SNRPE: variants seen among roughly 807,000 people sequenced by gnomAD.
SNRPE encodes the protein small nuclear ribonucleoprotein polypeptide E, also known as small nuclear ribonucleoprotein E.
For missense variants in SNRPE, 53 were observed against 111.6 expected (o/e 0.48, Z 2.36); for synonymous variants, 35 against 36.7 (o/e 0.95, Z 0.17).
chr1:203,861,626 C>T lies in SNRPE; in HGVS notation c.-34C>T, dbSNP rs760500469. 26 of 1,578,952 alleles carry T rather than the reference C, an allele frequency of 1.6e-5. No homozygotes were observed. The highest frequency in any genetic ancestry group is 6.7e-5 in the East Asian group (3 of 44,734). On this transcript the variant is annotated 5_prime_UTR_variant, in exon 1 of 5. Coordinates refer to ENST00000414487, the MANE Select transcript of SNRPE (RefSeq NM_003094.4). ...TTATTCCGGAAGTTGCTCTCAGAGG[C>T]AGCGTGCGGGTGTGCTCTTTGTGAA...
chr1:203,869,851 A>T (rs1188659716), intron 4 of SNRPE, 26 bp from the exon 5 acceptor site: 5 of 1,572,970 alleles, frequency 3.2e-6, no homozygotes, highest in Non-Finnish European at 4.3e-6. Context: ...GGCTATTAAT[A>T]GCTTTTTGTT....
At chr1:203,866,094 T>A (rs1406119793) in intron 4 of SNRPE, among the ~76,000 whole-genome samples, 2 of 152,150 alleles carry the variant, frequency 1.3e-5, no homozygotes, top group African/African-American at 4.8e-5. Context: ...AGGGTGGGGC[T>A]GAAAGTCCGA....
At position 203,861,659 on chromosome 1, in the gene SNRPE, C is replaced by G; in HGVS notation, c.-1C>G. On this transcript the variant is annotated 5_prime_UTR_variant, in exon 1 of 5. Transcript: ENST00000414487. ...GGGTGTGCTCTTTGTGAAATTCCAC[C>G]ATGGCGTACCGTGGCCAGGGTCAGA... 2 of 1,612,326 alleles carry G rather than the reference C, an allele frequency of 1.2e-6. No homozygotes were observed. Among genetic ancestry groups the G allele is most frequent in the South Asian group, 1.1e-5 (1 of 91,034 alleles).
intron 2 of SNRPE, among the ~76,000 whole-genome samples, 189 bp from the exon 3 acceptor site, chr1:203,863,474 C>G (rs576646394): frequency 6.6e-6 from 1 of 152,120 alleles, no homozygotes; most frequent in Non-Finnish European, 1.5e-5. Context: ...TGCGCCACCA[C>G]GCCCAGCTAA....
intron 4 of SNRPE, among the ~76,000 whole-genome samples, chr1:203,868,810 C>CA (rs1690148304): frequency 1.6e-5 from 1 of 63,252 alleles, no homozygotes; most frequent in Admixed American, 1.7e-4. Flanking sequence ...ACTGGGATTA[C>CA]AGGGCATGCC....
At chr1:203,862,827 G>C (rs1445934116) in intron 2 of SNRPE, among the ~76,000 whole-genome samples, 1 of 152,142 alleles carries the variant, frequency 6.6e-6, no homozygotes, top group East Asian at 1.9e-4. Flanking sequence ...CTAGTTGTTA[G>C]GTGTGTGACA....
chr1:203,864,898 A>AAAC lies in SNRPE; in HGVS notation c.145-141_145-140insCAA, dbSNP rs1341337299. On this transcript the variant is annotated intron_variant, in intron 3 of 4. Transcript: ENST00000414487. ...TCTCAAAAAAAAAAAAAAAAAAAAA[A>AAAC]AAACTTTGGGTGGAAGGTGGGGTGG... The AAAC allele has an allele frequency of 1.3e-3, 605 of 448,578 alleles. 2 individuals are homozygous for AAAC. The highest frequency in any genetic ancestry group is 1.7e-3 in the Admixed American group (31 of 18,428). 27.8% of individuals were successfully genotyped at this position (448,578 alleles called of 1,614,324 possible). A position where few individuals can be genotyped will look rare whatever the true frequency, so the allele number is the denominator to read the frequency against.
intron 3 of SNRPE, among the ~76,000 whole-genome samples, 165 bp from the exon 4 acceptor site, chr1:203,864,876 C>CAAAAAAAAAAAAAAAAAAAAAAAAAA (rs61506397): frequency 8.4e-6 from 1 of 119,290 alleles, no homozygotes; most frequent in Non-Finnish European, 1.7e-5. Flanking sequence ...GATCCTTTCT[C>CAAAAAAAAAAAAAAAAAAAAAAAAAA]AAAAAAAAAA....
intron 4 of SNRPE, among the ~76,000 whole-genome samples, chr1:203,867,010 C>T (rs1031060235): frequency 6.6e-6 from 1 of 150,722 alleles, no homozygotes; most frequent in Non-Finnish European, 1.5e-5. Context: ...GTGGCTCACA[C>T]CTGTAATCCC....
rs925520234 is a variant in SNRPE, at chr1:203,863,608, C to G, written c.82-55C>G. ...TGCTGGGATTACAGGCGTGAGCCAC[C>G]GCGCCCGGCCCTATTTTTCTTTTTT... On this transcript the variant is annotated intron_variant, in intron 2 of 4. Coordinates refer to ENST00000414487, the MANE Select transcript of SNRPE (RefSeq NM_003094.4). 36 of 1,324,466 alleles carry G rather than the reference C, an allele frequency of 2.7e-5. No individual in the cohort carries two copies. The Admixed American group carries it at 5.9e-4, about 22-fold the overall frequency. The allele number at this position is 1,324,466 out of a possible 1,614,324, so 82.0% of individuals were successfully genotyped here.
chr1:203,865,197 C>G, intron 4 of SNRPE, 78 bp downstream of exon 4: 2 of 1,293,056 alleles, frequency 1.5e-6, no homozygotes, highest in Non-Finnish European at 2.2e-6. Context: ...CAACTCAGTT[C>G]ATGTTTGAAT....
chr1:203,865,216 C>G, intron 4 of SNRPE, 97 bp downstream of exon 4: 1 of 1,150,152 alleles, frequency 8.7e-7, no homozygotes, highest in Non-Finnish European at 1.3e-6. Flanking sequence ...ATTTATTTTG[C>G]ATTTGAGAAG....
chr1:203,861,860 T>C (rs1689984229), intron 1 of SNRPE, 147 bp downstream of exon 1: 2 of 709,284 alleles, frequency 2.8e-6, no homozygotes, highest in African/African-American at 3.5e-5. Context: ...AAAGCGCGGG[T>C]AGTTGAACCG....
In SNRPE at chr1:203,871,052, G is replaced by A. The variant is rs574262517; in HGVS notation, c.*1120G>A. On this transcript the variant is annotated 3_prime_UTR_variant, in exon 5 of 5. Coordinates refer to ENST00000414487, the MANE Select transcript of SNRPE (RefSeq NM_003094.4). ...GAGATTTGTAGGTGAATGCAGAAGT[G>A]TATCCAGCTTTGAACCATGCATTCC... Among the ~76,000 whole-genome samples the A allele has an allele frequency of 5.6e-4, 85 of 152,340 alleles. No individual in the cohort carries two copies. Among genetic ancestry groups the A allele is most frequent in the South Asian group, 2.1e-4 (1 of 4,830 alleles).
rs772615137 is a variant in SNRPE, at chr1:203,865,139, T to C, written c.223+20T>C. 2 of 1,583,912 alleles carry C rather than the reference T, an allele frequency of 1.3e-6. No homozygotes were observed. Among genetic ancestry groups the C allele is most frequent in the Non-Finnish European group, 1.7e-6 (2 of 1,162,556 alleles). On this transcript the variant is annotated intron_variant, in intron 4 of 4. Coordinates refer to ENST00000414487, the MANE Select transcript of SNRPE (RefSeq NM_003094.4). ...AACTGGGTAAGGATAGAAGTGGTCT[T>C]ACAGAATTCTAGAAATATTTTATTC...
intron 4 of SNRPE, among the ~76,000 whole-genome samples, chr1:203,866,627 A>C (rs757084404): frequency 6.6e-6 from 1 of 152,202 alleles, no homozygotes; most frequent in Non-Finnish European, 1.5e-5. Flanking sequence ...TTTCCAGTTC[A>C]GCTTACTAAT....
intron 3 of SNRPE, 137 bp from the exon 4 acceptor site, chr1:203,864,904 T>G: frequency 4.1e-6 from 2 of 488,410 alleles, no homozygotes; most frequent in Non-Finnish European, 6.0e-6. Flanking sequence ...AAAAAAAACT[T>G]TGGGTGGAAG....
chr1:203,864,554 A>G (rs1342880723), intron 3 of SNRPE, among the ~76,000 whole-genome samples: 3 of 152,058 alleles, frequency 2.0e-5, no homozygotes, highest in Non-Finnish European at 4.4e-5. Flanking sequence ...GCTGGGAACT[A>G]TAGGCATACA....
In SNRPE at chr1:203,861,634, G is replaced by T. The variant is rs190691844; in HGVS notation, c.-26G>T. The T allele has an allele frequency of 1.4e-5, 23 of 1,600,462 alleles. No homozygotes were observed. The highest frequency in any genetic ancestry group is 2.0e-5 in the Non-Finnish European group (23 of 1,167,472). ...GAAGTTGCTCTCAGAGGCAGCGTGC[G>T]GGTGTGCTCTTTGTGAAATTCCACC... On this transcript the variant is annotated 5_prime_UTR_variant, in exon 1 of 5. Coordinates refer to ENST00000414487, the MANE Select transcript of SNRPE (RefSeq NM_003094.4).
Sources: gnomAD v4.1 joint callset for allele counts (sites outside exome capture counted in the v4.1 genomes callset) on GRCh38, gnomAD v4.1.1 for gene constraint, MANE v1.5 for transcripts, NCBI Gene and HGNC (gene_info 2026-07-23, HGNC 2026-07-21) for gene names.